Variants in PLEKHH2 observed in about 807,000 individuals in gnomAD.
The protein encoded by PLEKHH2 is pleckstrin homology domain-containing family H member 2.
Under a neutral mutation model 187.9 loss-of-function variants are expected in PLEKHH2, and 129 were observed. The observed-to-expected ratio is 0.69, with a 90% CI of 0.59 to 0.79. PLEKHH2 has a LOEUF of 0.79. Among genes scored for constraint, PLEKHH2 ranks in the 30% least tolerant of loss-of-function variants. The pLI is 0.00. For missense variants in PLEKHH2, 2,076 were observed against 1,751.2 expected (o/e 1.19, Z -3.31); for synonymous variants, 686 against 605.6 (o/e 1.13, Z -1.95).
chr2:43,712,277 T>C lies in PLEKHH2; in HGVS notation c.2354T>C (p.Leu785Ser). 1 of 1,613,576 alleles carries C rather than the reference T, an allele frequency of 6.2e-7. No homozygotes were observed. Among genetic ancestry groups the C allele is most frequent in the Non-Finnish European group, 8.5e-7 (1 of 1,179,452 alleles). Residue 785 changes from leucine to serine, a missense_variant, in exon 15 of 30, where the codon TTG (leucine) becomes TCG (serine). By Grantham distance (145) the Leu-to-Ser change is moderately radical. Coordinates refer to ENST00000282406, the MANE Select transcript of PLEKHH2 (RefSeq NM_172069.4). ...YYLTADSPNILEEWIKVLQNV... is the reference protein window; with the variant it reads ...YYLTADSPNISEEWIKVLQNV... ...CTGACTGCAGATTCTCCCAATATATTGGAAGAGTGGATTAAAGTGTTACAG... is the reference window on the plus strand; with the variant it reads ...CTGACTGCAGATTCTCCCAATATATCGGAAGAGTGGATTAAAGTGTTACAG...
In PLEKHH2 at chr2:43,767,277, C is replaced by T. The variant is rs2104637876; in HGVS notation, c.*1679C>T. ...ATATTTTCTTCTTTGCTGCCTTCTCCCTGTGGCAATGTACTGTTCTCACAT... is the reference window on the plus strand; with the variant it reads ...ATATTTTCTTCTTTGCTGCCTTCTCTCTGTGGCAATGTACTGTTCTCACAT... On this transcript the variant is annotated 3_prime_UTR_variant, in exon 30 of 30. Transcript: ENST00000282406. 1 of 152,276 alleles carries T rather than the reference C, an allele frequency of 6.6e-6. No individual in the cohort carries two copies. The highest frequency in any genetic ancestry group is 3.4e-3 in the Middle Eastern group (1 of 294). The allele number at this position is 152,276 out of a possible 1,614,324, so 9.4% of individuals were successfully genotyped here.
intron 3 of PLEKHH2, chr2:43,681,616 T>C (rs564134264): frequency 2.6e-4 from 185 of 704,778 alleles, no homozygotes; most frequent in Non-Finnish European, 4.2e-4. Context: ...GTACACGATA[T>C]GACACAATAT....
At chr2:43,731,700 AT>A in intron 19 of PLEKHH2, 98 bp downstream of exon 19, 1 of 766,538 alleles carries the variant, frequency 1.3e-6, no homozygotes, top group Non-Finnish European at 2.0e-6. Flanking sequence ...GGGTTACAAA[AT>A]TTTACTCCAA....
intron 3 of PLEKHH2, among the ~76,000 whole-genome samples, chr2:43,682,861 G>C (rs114475925): frequency 9.9e-4 from 150 of 152,068 alleles, no homozygotes; most frequent in African/African-American, 3.5e-3. Flanking sequence ...TCATTTAGCA[G>C]AATGTTTTTG....
At chr2:43,722,315 T>C (rs887324044) in intron 16 of PLEKHH2, among the ~76,000 whole-genome samples, 4 of 151,890 alleles carry the variant, frequency 2.6e-5, no homozygotes, top group Non-Finnish European at 5.9e-5. Flanking sequence ...TTAGAGAAGT[T>C]TTATAACTTA....
chr2:43,697,446 T>G (rs1364058330), intron 7 of PLEKHH2, 90 bp downstream of exon 7: 2 of 1,099,440 alleles, frequency 1.8e-6, no homozygotes, highest in Middle Eastern at 2.8e-4. Context: ...TTAATTTTCC[T>G]TATTTTTTTC....
In PLEKHH2 at chr2:43,699,746, G is replaced by T; in HGVS notation, c.788G>T (p.Arg263Leu). The stretch of plus-strand genomic sequence containing the variant: ...ACCCCTTGTGGCTCAGAACAGAATC[G>T]GAAAACAAGAACAAGCTTTGCCACA... ...HQTPCGSEQN[R>L]KTRTSFATDG... The change falls in exon 8 of 30, where the codon CGG (arginine) becomes CTG (leucine). Residue 263 changes from arginine (R) to leucine (L), a missense_variant. Arg to Leu is a moderately radical substitution (Grantham distance 102). Coordinates refer to ENST00000282406, the MANE Select transcript of PLEKHH2 (RefSeq NM_172069.4). The T allele has an allele frequency of 6.2e-7, 1 of 1,614,166 alleles. No homozygotes were observed. The highest frequency in any genetic ancestry group is 1.1e-5 in the South Asian group (1 of 91,072).
intron 2 of PLEKHH2, among the ~76,000 whole-genome samples, chr2:43,678,495 G>A (rs1358665443): frequency 6.6e-6 from 1 of 152,220 alleles, no homozygotes; most frequent in Non-Finnish European, 1.5e-5. Context: ...ATCACTCGCG[G>A]TTAGGAGCTG....
At chr2:43,751,926 C>CTTTTTTTTTTTTT (rs1191371733) in intron 24 of PLEKHH2, among the ~76,000 whole-genome samples, 2 of 139,870 alleles carry the variant, frequency 1.4e-5, no homozygotes, top group African/African-American at 5.3e-5. Flanking sequence ...CTCTCTCTCT[C>CTTTTTTTTTTTTT]TTTTTTTTTT....
intron 2 of PLEKHH2, among the ~76,000 whole-genome samples, chr2:43,655,938 T>C (rs1483203679): frequency 6.6e-6 from 1 of 151,678 alleles, no homozygotes; most frequent in East Asian, 1.9e-4. Context: ...CTTCATCATC[T>C]ATTTAATCTG....
chr2:43,735,156 C>T (rs1671227269), intron 19 of PLEKHH2, among the ~76,000 whole-genome samples: 1 of 152,048 alleles, frequency 6.6e-6, no homozygotes, highest in African/African-American at 2.4e-5. Context: ...TGCCACTGCA[C>T]TCCAGCCTGG....
chr2:43,713,059 C>G (rs1235505888), intron 15 of PLEKHH2, among the ~76,000 whole-genome samples: 1 of 151,672 alleles, frequency 6.6e-6, no homozygotes, highest in Admixed American at 6.6e-5. Context: ...GAAGTGTTAA[C>G]TTAGCCAATA....
chr2:43,761,544 C>G (rs1021649668), intron 27 of PLEKHH2, among the ~76,000 whole-genome samples: 2 of 151,336 alleles, frequency 1.3e-5, no homozygotes, highest in South Asian at 4.2e-4. Flanking sequence ...CCAAGTAGAT[C>G]GGATTACAGG....
intron 6 of PLEKHH2, 58 bp downstream of exon 6, chr2:43,695,282 CT>C (rs1669032174): frequency 9.5e-6 from 9 of 948,560 alleles, no homozygotes; most frequent in East Asian, 2.9e-5. Flanking sequence ...TAGGCTTTTA[CT>C]TTTTTTGATG....
At chr2:43,671,108 C>G (rs189297765) in intron 2 of PLEKHH2, among the ~76,000 whole-genome samples, 3 of 151,888 alleles carry the variant, frequency 2.0e-5, no homozygotes, top group Non-Finnish European at 2.9e-5. Flanking sequence ...CTCTGCCCCC[C>G]ACTGAGTAGC....
intron 2 of PLEKHH2, among the ~76,000 whole-genome samples, chr2:43,657,626 A>C (rs1442332154): frequency 6.6e-6 from 1 of 152,234 alleles, no homozygotes; most frequent in Non-Finnish European, 1.5e-5. Flanking sequence ...AGCACATGGG[A>C]TAGGAGTTAC....
chr2:43,642,319 T>C (rs1397331164), intron 1 of PLEKHH2, among the ~76,000 whole-genome samples: 1 of 152,210 alleles, frequency 6.6e-6, no homozygotes, highest in African/African-American at 2.4e-5. Context: ...TGTATGTTGA[T>C]CTGATTTCCT....
chr2:43,748,013 AC>A (rs2104607513), intron 24 of PLEKHH2, among the ~76,000 whole-genome samples: 1 of 152,300 alleles, frequency 6.6e-6, no homozygotes, highest in South Asian at 2.1e-4. Context: ...TTTGTTAAAA[AC>A]TTGGGACAGA....
At chr2:43,671,072 C>T (rs1224637684) in intron 2 of PLEKHH2, among the ~76,000 whole-genome samples, 3 of 151,864 alleles carry the variant, frequency 2.0e-5, no homozygotes, top group Non-Finnish European at 4.4e-5. Flanking sequence ...CAACCTCTGC[C>T]TCCTGGGTTC....
Sources: allele counts gnomAD v4.1 joint callset (sites outside exome capture counted in the v4.1 genomes callset), GRCh38; gene constraint gnomAD v4.1.1; transcripts MANE v1.5; gene names NCBI Gene and HGNC (gene_info 2026-07-23, HGNC 2026-07-21).